The following SLC27A6 variants were observed in gnomAD, a reference collection of about 807,000 sequenced individuals.
SLC27A6 encodes solute carrier family 27 member 6, also known as long-chain fatty acid transport protein 6.
A neutral mutation model predicts 63.9 loss-of-function variants in SLC27A6; 74 were observed. That is an observed-to-expected ratio of 1.16 (90% CI 0.96 to 1.40). SLC27A6 has a LOEUF of 1.40. Ranked by LOEUF, SLC27A6 falls within the 40% of genes most tolerant of loss-of-function variation. The pLI is 0.00. For synonymous variants in SLC27A6, 287 were observed against 260.8 expected, an observed-to-expected ratio of 1.10 and a Z score of -0.97; for missense variants, 794 against 732.9, an observed-to-expected ratio of 1.08 and a Z score of -0.96.
Position 129,027,194 on chromosome 5 carries a change from G to A in SLC27A6, c.1317G>A (p.Gly439=), listed in dbSNP as rs1016902252. The A allele has an allele frequency of 6.2e-7, 1 of 1,613,514 alleles. No individual in the cohort carries two copies. Among genetic ancestry groups the A allele is most frequent in the Admixed American group, 1.7e-5 (1 of 59,982 alleles). Reference sequence around the variant, plus strand: ...AAAATCCCTTCTTTGGCTATGCTGGGCCTTATAAGCACACAAAAGACAAAT... The same window carrying A: ...AAAATCCCTTCTTTGGCTATGCTGGACCTTATAAGCACACAAAAGACAAAT... ...NAKNPFFGYA[G]PYKHTKDKLL... Residue 439 remains glycine (G), a synonymous_variant, in exon 7 of 10, where the codon GGG becomes GGA. Coordinates refer to ENST00000262462, the MANE Select transcript of SLC27A6 (RefSeq NM_001017372.3).
chr5:128,966,098 G>C lies in SLC27A6; in HGVS notation c.-40G>C, dbSNP rs777796042. 12 of 1,516,168 alleles carry C rather than the reference G, an allele frequency of 7.9e-6. No homozygotes were observed. The highest frequency in any genetic ancestry group is 1.1e-5 in the Non-Finnish European group (12 of 1,135,638). 93.9% of individuals were successfully genotyped at this position (1,516,168 alleles called of 1,614,324 possible). A position where few individuals can be genotyped will look rare whatever the true frequency, so the allele number is the denominator to read the frequency against. The stretch of plus-strand genomic sequence containing the variant: ...TGCCTGGAAGAGAAGGACGCTGGTG[G>C]GGGCTGAGATCAGAGCTGTCTTCTG... On this transcript the variant is annotated 5_prime_UTR_variant, in exon 1 of 10. Transcript: ENST00000262462.
chr5:128,969,915 C>T (rs948873647), intron 1 of SLC27A6, among the ~76,000 whole-genome samples: 1 of 152,040 alleles, frequency 6.6e-6, no homozygotes, highest in South Asian at 2.1e-4. Context: ...ATAAATAGCT[C>T]TTATTATTTT....
At position 129,027,232 on chromosome 5, in the gene SLC27A6, T is replaced by A. The variant is rs780251899; in HGVS notation, c.1355T>A (p.Val452Asp). The change falls in exon 7 of 10, where the codon GTT (valine) becomes GAT (aspartate). Residue 452 changes from valine (V) to aspartate (D), a missense_variant. Val to Asp is a radical substitution (Grantham distance 152). Transcript: ENST00000262462. ...ACAAAAGACAAATTGCTTTGTGATG[T>A]TTTTAAGAAGGGAGATGTTTACCTT... ...KHTKDKLLCD[V>D]FKKGDVYLNT... 11 of 1,613,338 alleles carry A rather than the reference T, an allele frequency of 6.8e-6. No individual in the cohort carries two copies. Among genetic ancestry groups the A allele is most frequent in the Non-Finnish European group, 9.3e-6 (11 of 1,179,404 alleles).
intron 6 of SLC27A6, among the ~76,000 whole-genome samples, chr5:129,026,413 A>G (rs771025053): frequency 2.6e-5 from 4 of 152,184 alleles, no homozygotes; most frequent in Non-Finnish European, 5.9e-5. Flanking sequence ...AACTGAAACT[A>G]ATAAGTATCA....
At chr5:128,973,320 C>T (rs1357002472) in intron 1 of SLC27A6, among the ~76,000 whole-genome samples, 3 of 152,134 alleles carry the variant, frequency 2.0e-5, no homozygotes, top group South Asian at 2.1e-4. Flanking sequence ...CAGATGGGGA[C>T]GTTTAAGTCT....
At chr5:129,004,779 A>C (rs765062631) in intron 4 of SLC27A6, among the ~76,000 whole-genome samples, 5 of 152,184 alleles carry the variant, frequency 3.3e-5, no homozygotes, top group Admixed American at 6.5e-5. Context: ...AGTATCTCAA[A>C]ACTGTCCAGT....
At chr5:129,011,015 T>C (rs180920441) in intron 4 of SLC27A6, among the ~76,000 whole-genome samples, 330 of 152,336 alleles carry the variant, frequency 2.2e-3, no homozygotes, top group Admixed American at 5.0e-3. Flanking sequence ...TATTCCATTA[T>C]GTTACTATAA....
At chr5:129,031,175 A>C (rs1013764907) in intron 9 of SLC27A6, among the ~76,000 whole-genome samples, 10 of 152,082 alleles carry the variant, frequency 6.6e-5, no homozygotes, top group African/African-American at 2.4e-4. Flanking sequence ...AAGCACCTAA[A>C]AAGAACATGG....
At chr5:128,968,532 A>T (rs1470426615) in intron 1 of SLC27A6, among the ~76,000 whole-genome samples, 1 of 152,018 alleles carries the variant, frequency 6.6e-6, no homozygotes, top group Non-Finnish European at 1.5e-5. Context: ...GCATTTTTTC[A>T]TGTGTCTGTT....
chr5:129,030,898 G>C (rs1752397116), intron 9 of SLC27A6, among the ~76,000 whole-genome samples: 1 of 151,938 alleles, frequency 6.6e-6, no homozygotes, highest in Non-Finnish European at 1.5e-5. Context: ...CCATAGTAAA[G>C]ATATGAATAA....
At chr5:129,012,007 A>G (rs1465755220) in intron 4 of SLC27A6, among the ~76,000 whole-genome samples, 1 of 151,900 alleles carries the variant, frequency 6.6e-6, no homozygotes, top group Non-Finnish European at 1.5e-5. Context: ...AAATATACAT[A>G]TATTATAGTT....
intron 3 of SLC27A6, 89 bp downstream of exon 3, chr5:128,988,847 A>G: frequency 9.9e-7 from 1 of 1,012,266 alleles, no homozygotes; most frequent in Middle Eastern, 2.2e-4. Flanking sequence ...TATCGGTAGA[A>G]TTTAGAGTGA....
intron 5 of SLC27A6, among the ~76,000 whole-genome samples, chr5:129,016,395 CAAAAAAAAAA>C (rs759333355): frequency 1.4e-4 from 9 of 64,722 alleles, no homozygotes; most frequent in African/African-American, 3.4e-4. Flanking sequence ...GACTCTGTCT[CAAAAAAAAAA>C]AAAAAAAAAA....
chr5:129,015,523 A>C (rs187084799), intron 4 of SLC27A6, among the ~76,000 whole-genome samples: 47 of 152,342 alleles, frequency 3.1e-4, no homozygotes, highest in Non-Finnish European at 5.1e-4. Flanking sequence ...ATAGCTAATT[A>C]CTGCTAAGCC....
chr5:128,972,926 A>G (rs1168902362), intron 1 of SLC27A6, among the ~76,000 whole-genome samples: 1 of 152,144 alleles, frequency 6.6e-6, no homozygotes, highest in Non-Finnish European at 1.5e-5. Context: ...GTCTTTGATG[A>G]TGGTGACCTA....
At chr5:128,985,047 C>A in intron 1 of SLC27A6, 86 bp from the exon 2 acceptor site, 1 of 823,288 alleles carries the variant, frequency 1.2e-6, no homozygotes, top group Non-Finnish European at 1.9e-6. Flanking sequence ...ACATTTTATC[C>A]CTGTTTCAAT....
At chr5:129,005,455 A>G (rs1705501856) in intron 4 of SLC27A6, among the ~76,000 whole-genome samples, 1 of 152,162 alleles carries the variant, frequency 6.6e-6, no homozygotes, top group Non-Finnish European at 1.5e-5. Context: ...TGTATCATTT[A>G]GGAAAGGGTT....
intron 5 of SLC27A6, among the ~76,000 whole-genome samples, chr5:129,020,469 T>G (rs977364546): frequency 4.6e-5 from 7 of 151,500 alleles, no homozygotes; most frequent in Admixed American, 2.0e-4. Context: ...GTAAAAATAA[T>G]TATAACACTA....
intron 1 of SLC27A6, among the ~76,000 whole-genome samples, chr5:128,969,803 G>A (rs1750067605): frequency 1.3e-5 from 2 of 152,142 alleles, no homozygotes; most frequent in Non-Finnish European, 2.9e-5. Flanking sequence ...ACACTATGTT[G>A]AATAGGAGTG....
Sources: allele counts gnomAD v4.1 joint callset (sites outside exome capture counted in the v4.1 genomes callset), GRCh38; gene constraint gnomAD v4.1.1; transcripts MANE v1.5; gene names NCBI Gene and HGNC (gene_info 2026-07-23, HGNC 2026-07-21).